Variants in GPX3 observed in about 807,000 individuals in gnomAD.
The protein encoded by GPX3 is glutathione peroxidase 3.
In GPX3, 22 loss-of-function variants were observed where a neutral mutation model predicts 25.1. The observed-to-expected ratio is 0.88, with a 90% CI of 0.63 to 1.25. GPX3 has a LOEUF of 1.25. Ranked by LOEUF, GPX3 falls within the 50% of genes most tolerant of loss-of-function variation. GPX3 has a pLI of 0.00. For missense variants in GPX3, 278 were observed against 286.6 expected (o/e 0.97, Z 0.22); for synonymous variants, 110 against 114.5 (o/e 0.96, Z 0.25).
At position 151,028,767 on chromosome 5, in the gene GPX3, G is replaced by A. The variant is rs532736004; in HGVS notation, c.*637G>A. 2.0e-4 allele frequency: 31 copies of A among 153,596 alleles called. No homozygotes were observed. Among genetic ancestry groups the A allele is most frequent in the Non-Finnish European group, 3.3e-4 (23 of 68,676 alleles). 9.5% of individuals were successfully genotyped at this position (153,596 alleles called of 1,614,324 possible). On this transcript the variant is annotated 3_prime_UTR_variant, in exon 5 of 5. Coordinates refer to ENST00000388825, the MANE Select transcript of GPX3 (RefSeq NM_002084.5). ...AGGCAGATGTGACAGCAAGGGCCAC[G>A]GACCCCATGGCAGGGGTGGCGTCTT...
At chr5:151,022,157 G>A (rs867434967) in intron 1 of GPX3, among the ~76,000 whole-genome samples, 1 of 152,146 alleles carries the variant, frequency 6.6e-6, no homozygotes, top group Admixed American at 6.5e-5. Flanking sequence ...GAATGGGATC[G>A]ATTTTCAACA....
intron 4 of GPX3, 126 bp from the exon 5 acceptor site, chr5:151,027,783 G>A: frequency 1.2e-6 from 1 of 820,612 alleles, no homozygotes; most frequent in South Asian, 1.4e-5. Flanking sequence ...AGCTGGCGCT[G>A]GCAGTCTTCT....
At chr5:151,022,394 A>C (rs528921314) in intron 1 of GPX3, among the ~76,000 whole-genome samples, 4 of 152,310 alleles carry the variant, frequency 2.6e-5, no homozygotes, top group Non-Finnish European at 4.4e-5. Flanking sequence ...GAAAAGTTTT[A>C]GGGTGAGGTG....
chr5:151,027,004 C>G lies in GPX3; in HGVS notation c.346C>G (p.Leu116Val). The G allele has an allele frequency of 6.2e-7, 1 of 1,611,112 alleles. No individual in the cohort carries two copies. Among genetic ancestry groups the G allele is most frequent in the Non-Finnish European group, 8.5e-7 (1 of 1,177,304 alleles). Residue 116 changes from leucine to valine, a missense_variant, in exon 3 of 5, where the codon CTT (leucine) becomes GTT (valine). Physicochemically the swap from Leu to Val is conservative, Grantham distance 32. Transcript: ENST00000388825. ...KQEPGENSEI[L>V]PTLKYVRPGG... is the part of the protein sequence containing the mutation. ...GGAACCAGGAGAGAACTCAGAGATC[C>G]TTCCTACCCTCAAGTGAGTACTCAC...
rs1756571229 is a variant in GPX3, at chr5:151,027,572, C to T, written c.459+41C>T. 4 of 1,304,906 alleles carry T rather than the reference C, an allele frequency of 3.1e-6. No individual in the cohort carries two copies. In the East Asian group the frequency reaches 9.2e-5, roughly 30 times the overall value. The allele number at this position is 1,304,906 out of a possible 1,614,324, so 80.8% of individuals were successfully genotyped here. The stretch of plus-strand genomic sequence containing the variant: ...CCTGTGCTGGCTGGGGCTGCAGCCC[C>T]TCCTGGCTCCAGCCCACAGCGTCAG... On this transcript the variant is annotated intron_variant, in intron 4 of 4. Transcript: ENST00000388825.
intron 4 of GPX3, 156 bp downstream of exon 4, chr5:151,027,687 C>G: frequency 1.5e-6 from 1 of 665,576 alleles, no homozygotes; most frequent in Non-Finnish European, 2.7e-6. Context: ...CAGACCCTGA[C>G]TAGGGTCTCA....
At chr5:151,027,038 C>A in intron 3 of GPX3, 21 bp downstream of exon 3, 2 of 1,488,634 alleles carry the variant, frequency 1.3e-6, no homozygotes, top group South Asian at 1.1e-5. Flanking sequence ...ACTCAGCATC[C>A]TGAGAAAGCT....
chr5:151,028,395 C>T lies in GPX3; in HGVS notation c.*265C>T. The T allele has an allele frequency of 2.1e-6, 1 of 479,592 alleles. No homozygotes were observed. Among genetic ancestry groups the T allele is most frequent in the Non-Finnish European group, 3.9e-6 (1 of 258,968 alleles). The allele number at this position is 479,592 out of a possible 1,614,324, so 29.7% of individuals were successfully genotyped here. On this transcript the variant is annotated 3_prime_UTR_variant, in exon 5 of 5. Transcript: ENST00000388825. Reference sequence around the variant, plus strand: ...TACAGCCACGTGTCTACCTATGTGTCTTTCTGGGAATGTGTACCATCTGTG... The same window carrying T: ...TACAGCCACGTGTCTACCTATGTGTTTTTCTGGGAATGTGTACCATCTGTG...
At chr5:151,027,326 A>G (rs1756565159) in intron 3 of GPX3, 106 bp from the exon 4 acceptor site, 1 of 753,388 alleles carries the variant, frequency 1.3e-6, no homozygotes, top group Admixed American at 2.2e-5. Context: ...CCCACTGCAG[A>G]ATAAATCCAG....
chr5:151,027,985 T>C lies in GPX3; in HGVS notation c.536T>C (p.Ile179Thr). Residue 179 changes from isoleucine to threonine, a missense_variant, in exon 5 of 5, where the codon ATC becomes ACC. Ile to Thr is a moderately conservative substitution (Grantham distance 89). Coordinates refer to ENST00000388825, the MANE Select transcript of GPX3 (RefSeq NM_002084.5). ...LFWEPMKVHDIRWNFEKFLVG... is the reference protein window; with the variant it reads ...LFWEPMKVHDTRWNFEKFLVG... ...TGGGAACCCATGAAGGTTCACGACA[T>C]CCGCTGGAACTTTGAGAAGTTCCTG... The C allele has an allele frequency of 6.2e-7, 1 of 1,614,174 alleles. No individual in the cohort carries two copies. Among genetic ancestry groups the C allele is most frequent in the Non-Finnish European group, 8.5e-7 (1 of 1,180,018 alleles).
Position 151,027,474 on chromosome 5 carries a change from C to G in GPX3, c.402C>G (p.Leu134=). The change falls in exon 4 of 5, where the codon CTC becomes CTG. Residue 134 remains leucine (L), a synonymous_variant. Transcript: ENST00000388825. ...PGGGFVPNFQ[L]FEKGDVNGEK... ...GAGGCTTTGTCCCTAATTTCCAGCT[C>G]TTTGAGAAAGGGGATGTCAATGGAG... 1 of 1,613,986 alleles carries G rather than the reference C, an allele frequency of 6.2e-7. No homozygotes were observed. The highest frequency in any genetic ancestry group is 8.5e-7 in the Non-Finnish European group (1 of 1,179,814).
intron 1 of GPX3, among the ~76,000 whole-genome samples, chr5:151,023,408 G>C (rs1756505439): frequency 6.6e-6 from 1 of 152,122 alleles, no homozygotes; most frequent in African/African-American, 2.4e-5. Context: ...TTATCTCCCT[G>C]GACATATGCC....
At chr5:151,022,100 C>A (rs2113142233) in intron 1 of GPX3, among the ~76,000 whole-genome samples, 1 of 152,286 alleles carries the variant, frequency 6.6e-6, no homozygotes, top group South Asian at 2.1e-4. Context: ...TCCTTTTTAT[C>A]CATCCCTGTT....
At chr5:151,022,488 TTCA>T (rs1222572281) in intron 1 of GPX3, among the ~76,000 whole-genome samples, 1 of 151,950 alleles carries the variant, frequency 6.6e-6, no homozygotes, top group Non-Finnish European at 1.5e-5. Context: ...GTTCTTAGAG[TTCA>T]GATGTCTTAG....
At chr5:151,026,623 G>A (rs1243800581) in intron 2 of GPX3, 1 of 364,366 alleles carries the variant, frequency 2.7e-6, no homozygotes, top group African/African-American at 2.1e-5. Flanking sequence ...AGCTGGCCCA[G>A]GTGGAGGGCC....
chr5:151,024,830 C>T (rs1756523921), intron 1 of GPX3, among the ~76,000 whole-genome samples: 1 of 152,180 alleles, frequency 6.6e-6, no homozygotes, highest in Non-Finnish European at 1.5e-5. Context: ...ACGGCCTCTT[C>T]CTCCTTTCTG....
At position 151,028,332 on chromosome 5, in the gene GPX3, C is replaced by A; in HGVS notation, c.*202C>A. 1.7e-6 allele frequency: 1 copy of A among 587,430 alleles called. No individual in the cohort carries two copies. The highest frequency in any genetic ancestry group is 3.1e-6 in the Non-Finnish European group (1 of 326,010). The allele number at this position is 587,430 out of a possible 1,614,324, so 36.4% of individuals were successfully genotyped here. On this transcript the variant is annotated 3_prime_UTR_variant, in exon 5 of 5. Coordinates refer to ENST00000388825, the MANE Select transcript of GPX3 (RefSeq NM_002084.5). ...GTGCATGTGGGTGTTTACACACATG[C>A]CTACAGGTATGCGTGATTGTGTGTG...
At chr5:151,026,818 C>A in intron 2 of GPX3, 82 bp from the exon 3 acceptor site, 2 of 972,314 alleles carry the variant, frequency 2.1e-6, no homozygotes, top group Non-Finnish European at 3.2e-6. Flanking sequence ...AGCGGCACAG[C>A]GGGTGAGCCG....
intron 1 of GPX3, among the ~76,000 whole-genome samples, chr5:151,025,128 A>AAT (rs1391497763): frequency 2.0e-5 from 3 of 152,114 alleles, no homozygotes; most frequent in African/African-American, 7.2e-5. Context: ...TTAAGCACTT[A>AAT]ATATTAAGTA....
Sources: gnomAD v4.1 joint callset for allele counts (sites outside exome capture counted in the v4.1 genomes callset) on GRCh38, gnomAD v4.1.1 for gene constraint, MANE v1.5 for transcripts, NCBI Gene and HGNC (gene_info 2026-07-23, HGNC 2026-07-21) for gene names.